Variants in CPSF1 observed in about 807,000 individuals in gnomAD.
The protein encoded by CPSF1 is cleavage and polyadenylation specific factor 1.
CPSF1 carries 106 observed loss-of-function variants against 175.8 expected under a neutral mutation model. The ratio of observed to expected loss-of-function variants is 0.60; its 90% CI spans 0.52 to 0.71. CPSF1 has a LOEUF of 0.71. Among genes scored for constraint, CPSF1 ranks in the 30% least tolerant of loss-of-function variants. The pLI, the probability that CPSF1 is intolerant of heterozygous loss-of-function variation, is 0.00. For missense variants in CPSF1, 1,734 were observed against 2,022.9 expected (o/e 0.86, Z 2.74); for synonymous variants, 1,024 against 858.3 (o/e 1.19, Z -3.37).
intron 23 of CPSF1, 54 bp downstream of exon 23, chr8:144,397,153 A>C (rs1191393536): frequency 1.1e-5 from 16 of 1,452,664 alleles, no homozygotes; most frequent in Admixed American, 1.0e-4. Flanking sequence ...CTGTGGGGGA[A>C]CGGGCAGGGC....
Position 144,400,219 on chromosome 8 carries a change from G to C in CPSF1, c.884C>G (p.Pro295Arg). The C allele has an allele frequency of 4.5e-6, 7 of 1,562,624 alleles. No homozygotes were observed. The highest frequency in any genetic ancestry group is 6.1e-6 in the Non-Finnish European group (7 of 1,154,236). ...GAGGCTGTTGAGAGCCACGCCATACGGGGGGACGCTCTGGTTCAGGTACAA... is the reference window on the plus strand; with the variant it reads ...GAGGCTGTTGAGAGCCACGCCATACCGGGGGACGCTCTGGTTCAGGTACAA... ...SLLYLNQSVP[P>R]YGVALNSLTT... The change falls in exon 9 of 38, where the codon CCG (proline) becomes CGG (arginine). Residue 295 changes from proline to arginine, a missense_variant. By Grantham distance (103) the Pro-to-Arg change is moderately radical. Transcript: ENST00000616140.
rs531398719 is a variant in CPSF1, at chr8:144,395,084, C to T, written c.3272+14G>A. ...GGCCTTGGGCAGACCCCACCCCCGC[C>T]GGCCCAGCCTCACCTGGCATTGGGA... On this transcript the variant is annotated intron_variant, in intron 29 of 37. Coordinates refer to ENST00000616140, the MANE Select transcript of CPSF1 (RefSeq NM_013291.3). The T allele has an allele frequency of 1.7e-5, 27 of 1,605,190 alleles. No individual in the cohort carries two copies. Among genetic ancestry groups the T allele is most frequent in the East Asian group, 4.5e-5 (2 of 44,736 alleles).
chr8:144,394,868 C>G lies in CPSF1; in HGVS notation c.3414+14G>C, dbSNP rs1554863056. 6.2e-7 allele frequency: 1 copy of G among 1,611,860 alleles called. No individual in the cohort carries two copies. Reference sequence around the variant, plus strand: ...GGGGCTGCCAGTTCCCGCCCCCGCTCACTGGCCCCTTACCCGCCCTCGGCA... The same window carrying G: ...GGGGCTGCCAGTTCCCGCCCCCGCTGACTGGCCCCTTACCCGCCCTCGGCA... On this transcript the variant is annotated intron_variant, in intron 30 of 37. Coordinates refer to ENST00000616140, the MANE Select transcript of CPSF1 (RefSeq NM_013291.3).
rs548377279 is a variant in CPSF1 at position 144,397,020 on chromosome 8, C to A, written c.2593-91G>T. Reference sequence around the variant, plus strand: ...GAAGAGGTGGGCTGTGGGTAAGGGGCGGGGCTGAGATGGGGTGGAGCCATG... The same window carrying A: ...GAAGAGGTGGGCTGTGGGTAAGGGGAGGGGCTGAGATGGGGTGGAGCCATG... On this transcript the variant is annotated intron_variant, in intron 23 of 37. Transcript: ENST00000616140. The A allele has an allele frequency of 1.1e-5, 8 of 714,410 alleles. No individual in the cohort carries two copies. The South Asian group carries it at 1.5e-4, about 13-fold the overall frequency. The allele number at this position is 714,410 out of a possible 1,614,324, so 44.3% of individuals were successfully genotyped here.
rs2116862182 is a variant in CPSF1, at chr8:144,399,398, C to T, written c.1295-25G>A. On this transcript the variant is annotated intron_variant, in intron 13 of 37. Coordinates refer to ENST00000616140, the MANE Select transcript of CPSF1 (RefSeq NM_013291.3). The surrounding 1 kb of genome is among the most constrained non-coding windows in gnomAD (Gnocchi z 6.4). ...GCTGCACACAGAGAGCCCACTTGAG[C>T]GCAGCCCTGGGTCACCTGGCCCCGC... The T allele has an allele frequency of 6.2e-6, 10 of 1,612,772 alleles. No homozygotes were observed. The highest frequency in any genetic ancestry group is 4.5e-5 in the East Asian group (2 of 44,880).
rs1161671628 is a variant in CPSF1, at chr8:144,393,312, A to G, written c.*6T>C. 1.8e-5 allele frequency: 26 copies of G among 1,485,578 alleles called. No individual in the cohort carries two copies. Among genetic ancestry groups the G allele is most frequent in the Admixed American group, 2.1e-5 (1 of 47,014 alleles). The allele number at this position is 1,485,578 out of a possible 1,614,324, so 92.0% of individuals were successfully genotyped here. A position where few individuals can be genotyped will look rare whatever the true frequency, so the allele number is the denominator to read the frequency against. On this transcript the variant is annotated 3_prime_UTR_variant, in exon 38 of 38. Transcript: ENST00000616140. The stretch of plus-strand genomic sequence containing the variant: ...CCGTGTGCTGGTGGTGACGGCATCC[A>G]CGGGGCTAGAAGTGGGCGGTGACGC...
chr8:144,394,303 G>A lies in CPSF1; in HGVS notation c.3745-3C>T. 6.3e-7 allele frequency: 1 copy of A among 1,588,470 alleles called. No individual in the cohort carries two copies. Among genetic ancestry groups the A allele is most frequent in the Non-Finnish European group, 8.6e-7 (1 of 1,165,408 alleles). Reference sequence around the variant, plus strand: ...TACACCTCCAGGGGCTTGGCATCCTGGGGGCGGGAAGGGGGCGTCAGAGGT... The same window carrying A: ...TACACCTCCAGGGGCTTGGCATCCTAGGGGCGGGAAGGGGGCGTCAGAGGT... On this transcript the variant is annotated splice_region_variant and splice_polypyrimidine_tract_variant and intron_variant, in intron 32 of 37. Transcript: ENST00000616140.
chr8:144,401,156 G>A (rs1457129284), intron 5 of CPSF1, 55 bp downstream of exon 5: 20 of 1,563,740 alleles, frequency 1.3e-5, no homozygotes, highest in East Asian at 2.3e-5. Context: ...CCCAGCTGCA[G>A]GGGGAGGGAG....
At chr8:144,402,102 TG>T (rs1350597676) in intron 2 of CPSF1, among the ~76,000 whole-genome samples, 1 of 152,206 alleles carries the variant, frequency 6.6e-6, no homozygotes, top group East Asian at 1.9e-4. Context: ...TCTGCGTGCC[TG>T]TTAGAGAAGA....
rs1170351014 is a variant in CPSF1 at position 144,398,653 on chromosome 8, G to A, written c.1639-15C>T. 5.0e-6 allele frequency: 8 copies of A among 1,612,820 alleles called. No individual in the cohort carries two copies. The highest frequency in any genetic ancestry group is 6.8e-6 in the Non-Finnish European group (8 of 1,179,448). On this transcript the variant is annotated splice_polypyrimidine_tract_variant and intron_variant, in intron 17 of 37. Coordinates refer to ENST00000616140, the MANE Select transcript of CPSF1 (RefSeq NM_013291.3). ...GGATTGTCCTCCTGTCAGGGCCAAA[G>A]GGGGGCAGGCTGGAAGCCACAGTCC...
At position 144,397,584 on chromosome 8, in the gene CPSF1, C is replaced by T. The variant is rs763605694; in HGVS notation, c.2288G>A (p.Arg763Gln). ...SLFSPSKEEA[R>Q]RSSQPPADRD... ...GTCAGCAGGGGGCTGGCTGCTTCTT[C>T]GGGCCTCCTCCTTGCTGGGGCTGAA... Residue 763 changes from arginine (R) to glutamine (Q), a missense_variant, in exon 22 of 38, where the codon CGA (arginine) becomes CAA (glutamine). By Grantham distance (43) the Arg-to-Gln change is conservative. Coordinates refer to ENST00000616140, the MANE Select transcript of CPSF1 (RefSeq NM_013291.3). The T allele has an allele frequency of 1.2e-5, 19 of 1,540,084 alleles. No homozygotes were observed. Among genetic ancestry groups the T allele is most frequent in the South Asian group, 5.0e-5 (4 of 80,364 alleles).
chr8:144,398,026 C>G lies in CPSF1; in HGVS notation c.2001G>C (p.Met667Ile). 1 of 1,612,454 alleles carries G rather than the reference C, an allele frequency of 6.2e-7. No homozygotes were observed. Among genetic ancestry groups the G allele is most frequent in the Non-Finnish European group, 8.5e-7 (1 of 1,179,768 alleles). ...VIMSAEGHVT[M>I]FLLKSDSYGG... ...CGTAGGAGTCACTCTTCAGCAGGAACATGGTGACGTGGCCCTCGGCACTCA... is the reference window on the plus strand; with the variant it reads ...CGTAGGAGTCACTCTTCAGCAGGAAGATGGTGACGTGGCCCTCGGCACTCA... Residue 667 changes from methionine to isoleucine, a missense_variant, in exon 20 of 38, where the codon ATG becomes ATC. By Grantham distance (10) the Met-to-Ile change is conservative. Coordinates refer to ENST00000616140, the MANE Select transcript of CPSF1 (RefSeq NM_013291.3).
chr8:144,407,706 A>G (rs2116909149), intron 2 of CPSF1, among the ~76,000 whole-genome samples: 2 of 152,140 alleles, frequency 1.3e-5, no homozygotes, highest in Non-Finnish European at 2.9e-5. Flanking sequence ...CTCACCAGGA[A>G]AAACAAAAAA....
At chr8:144,398,491 C>CCCCACGT (rs1554864991) in intron 18 of CPSF1, 34 bp downstream of exon 18, 1 of 1,611,834 alleles carries the variant, frequency 6.2e-7, no homozygotes, top group African/African-American at 1.3e-5. Context: ...GGGACCCCAG[C>CCCCACGT]CCCAGGTCCC....
At position 144,398,405 on chromosome 8, in the gene CPSF1, G is replaced by C. The variant is rs1413144286; in HGVS notation, c.1791C>G (p.Thr597=). The C allele has an allele frequency of 1.2e-6, 2 of 1,613,376 alleles. No homozygotes were observed. Among genetic ancestry groups the C allele is most frequent in the African/African-American group, 2.7e-5 (2 of 74,810 alleles). Residue 597 remains threonine (T), a synonymous_variant, in exon 19 of 38, where the codon ACC becomes ACG. Transcript: ENST00000616140. ...TGGGGCCCTGAGTGGCGAAGCCACT[G>C]GTGTCCAGCTCCATGATCTCCTGCC... ...QTGQEIMELD[T]SGFATQGPTV...
Position 144,401,548 on chromosome 8 carries a change from C to A in CPSF1, c.188G>T (p.Arg63Leu), listed in dbSNP as rs2116885549. The A allele has an allele frequency of 6.2e-7, 1 of 1,613,710 alleles. No homozygotes were observed. Among genetic ancestry groups the A allele is most frequent in the Admixed American group, 1.7e-5 (1 of 59,988 alleles). Reference sequence around the variant, plus strand: ...GGAGGCAGCAAGCTCGAGCTTCTCCCGGTGGGCCTTCCCCTCTAGGGGAGA... The same window carrying A: ...GGAGGCAGCAAGCTCGAGCTTCTCCAGGTGGGCCTTCCCCTCTAGGGGAGA... ...NDRSTEGKAH[R>L]EKLELAASFS... Residue 63 changes from arginine (R) to leucine (L), a missense_variant, in exon 4 of 38, where the codon CGG (arginine) becomes CTG (leucine). Arg to Leu is a moderately radical substitution (Grantham distance 102). Coordinates refer to ENST00000616140, the MANE Select transcript of CPSF1 (RefSeq NM_013291.3).
intron 36 of CPSF1, 34 bp downstream of exon 36, chr8:144,393,632 AG>A (rs782373643): frequency 1.3e-6 from 2 of 1,577,864 alleles, no homozygotes; most frequent in Admixed American, 1.8e-5. Context: ...GCTGGGGTGG[AG>A]GGGGTGCTGC....
Position 144,395,086 on chromosome 8 carries a change from G to A in CPSF1, c.3272+12C>T. 1.2e-6 allele frequency: 2 copies of A among 1,606,718 alleles called. No individual in the cohort carries two copies. Among genetic ancestry groups the A allele is most frequent in the Non-Finnish European group, 1.7e-6 (2 of 1,175,962 alleles). ...CCTTGGGCAGACCCCACCCCCGCCG[G>A]CCCAGCCTCACCTGGCATTGGGAAT... On this transcript the variant is annotated intron_variant, in intron 29 of 37. Transcript: ENST00000616140.
chr8:144,396,767 CA>C (rs1554863957), intron 24 of CPSF1, 26 bp from the exon 25 acceptor site: 1 of 1,613,200 alleles, frequency 6.2e-7, no homozygotes, highest in East Asian at 2.2e-5. Flanking sequence ...GCAGGTCCTC[CA>C]GGGGCTGCCG....
Sources: gnomAD v4.1 joint callset for allele counts (sites outside exome capture counted in the v4.1 genomes callset) on GRCh38, gnomAD v4.1.1 for gene constraint, Gnocchi (gnomAD v3.1) non-coding constraint, MANE v1.5 for transcripts, NCBI Gene and HGNC (gene_info 2026-07-23, HGNC 2026-07-21) for gene names.